The following TBC1D2B variants were observed in gnomAD, a reference collection of about 807,000 sequenced individuals.
TBC1D2B encodes TBC1 domain family, member 2B.
A neutral mutation model predicts 100.8 loss-of-function variants in TBC1D2B; 64 were observed. The observed-to-expected ratio is 0.64, with a 90% confidence interval of 0.52 to 0.78. TBC1D2B has a LOEUF of 0.78. TBC1D2B is among the 30% of genes least tolerant of loss of function. The pLI is 0.00. For missense variants in TBC1D2B, 1,052 were observed against 1,218.4 expected, an observed-to-expected ratio of 0.86 and a Z score of 2.03; for synonymous variants, 480 against 479.7, an observed-to-expected ratio of 1.00 and a Z score of -0.01.
chr15:78,012,918 G>C lies in TBC1D2B; in HGVS notation c.2175C>G (p.Ser725=). 1 of 1,544,428 alleles carries C rather than the reference G, an allele frequency of 6.5e-7. No homozygotes were observed. The highest frequency in any genetic ancestry group is 1.4e-5 in the African/African-American group (1 of 72,924). ...LRTLPNNKHY[S]CPTSEGIQKL... is the part of the protein sequence containing the mutation. ...TCTGTATGCCTTCTGAGGTGGGGCA[G>C]GAGTAATGTTTGTTGTTGGGCAGAG... The change falls in exon 9 of 13, where the codon TCC becomes TCG. Residue 725 remains serine (S), a synonymous_variant. Coordinates refer to ENST00000300584, the MANE Select transcript of TBC1D2B (RefSeq NM_144572.2).
chr15:78,016,011 CAA>C (rs1262325483), intron 8 of TBC1D2B, among the ~76,000 whole-genome samples: 2 of 152,198 alleles, frequency 1.3e-5, no homozygotes, highest in African/African-American at 4.8e-5. Context: ...GTCGTGGAAA[CAA>C]GAGGCTGAAC....
At chr15:78,017,761 G>C in intron 7 of TBC1D2B, 86 bp downstream of exon 7, 4 of 821,212 alleles carry the variant, frequency 4.9e-6, no homozygotes, top group South Asian at 1.8e-5. Context: ...CCTGGGAGTT[G>C]AACCGCTTTG....
intron 1 of TBC1D2B, among the ~76,000 whole-genome samples, chr15:78,069,525 A>G (rs2073712984): frequency 6.6e-6 from 1 of 152,244 alleles, no homozygotes; most frequent in South Asian, 2.1e-4. Flanking sequence ...AATACTAGGC[A>G]TGACCAAACC....
intron 4 of TBC1D2B, among the ~76,000 whole-genome samples, chr15:78,029,029 T>C (rs1321496018): frequency 6.6e-6 from 1 of 152,100 alleles, no homozygotes; most frequent in Non-Finnish European, 1.5e-5. Flanking sequence ...TTATTGTAAC[T>C]GTAAATATAA....
chr15:78,075,191 T>C (rs1435275906), intron 1 of TBC1D2B, among the ~76,000 whole-genome samples: 5 of 151,420 alleles, frequency 3.3e-5, no homozygotes, highest in Non-Finnish European at 5.9e-5. Context: ...TAGATTCTTA[T>C]TTATTATTTT....
At chr15:78,026,202 A>G (rs958839483) in intron 4 of TBC1D2B, among the ~76,000 whole-genome samples, 26 of 151,716 alleles carry the variant, frequency 1.7e-4, no homozygotes, top group African/African-American at 6.3e-4. Flanking sequence ...TGTGTCCCCC[A>G]AAGTTTATGT....
At chr15:78,011,401 G>A (rs1038150479) in intron 9 of TBC1D2B, among the ~76,000 whole-genome samples, 1 of 151,996 alleles carries the variant, frequency 6.6e-6, no homozygotes, top group African/African-American at 2.4e-5. Flanking sequence ...CAGAACTCCA[G>A]CTCATGCATG....
chr15:78,059,824 T>C (rs1349293859), intron 1 of TBC1D2B, among the ~76,000 whole-genome samples: 1 of 152,136 alleles, frequency 6.6e-6, no homozygotes, highest in Non-Finnish European at 1.5e-5. Flanking sequence ...ATAAAGTTGT[T>C]TGATTACAAG....
chr15:78,040,797 GA>G, intron 3 of TBC1D2B, among the ~76,000 whole-genome samples: 1 of 125,448 alleles, frequency 8.0e-6, no homozygotes. Context: ...AGGAAGGAAG[GA>G]AAGAAAGAAA....
intron 2 of TBC1D2B, among the ~76,000 whole-genome samples, chr15:78,053,125 A>T (rs1188176470): frequency 6.6e-6 from 1 of 152,224 alleles, no homozygotes. Context: ...TTGTTTCTGG[A>T]GTAAATCAGC....
chr15:78,024,579 G>T, intron 5 of TBC1D2B, 40 bp from the exon 6 acceptor site: 1 of 1,541,408 alleles, frequency 6.5e-7, no homozygotes, highest in African/African-American at 1.4e-5. Context: ...GGTGAAAAGA[G>T]CAAGGAGAGG....
chr15:78,041,615 TC>T (rs1388596224), intron 3 of TBC1D2B, among the ~76,000 whole-genome samples: 38 of 152,236 alleles, frequency 2.5e-4, no homozygotes, highest in Non-Finnish European at 1.0e-4. Context: ...AATACAGTAA[TC>T]TATTTTAGGG....
intron 3 of TBC1D2B, among the ~76,000 whole-genome samples, chr15:78,039,511 C>G (rs2073024594): frequency 6.6e-6 from 1 of 152,144 alleles, no homozygotes; most frequent in South Asian, 2.1e-4. Flanking sequence ...AGCACACCTT[C>G]CCGGCTAGCT....
chr15:78,060,865 C>A (rs1190176708), intron 1 of TBC1D2B, among the ~76,000 whole-genome samples: 1 of 151,400 alleles, frequency 6.6e-6, no homozygotes, highest in Non-Finnish European at 1.5e-5. Context: ...TGCAGTGAGC[C>A]GAGATCGCGC....
intron 6 of TBC1D2B, among the ~76,000 whole-genome samples, chr15:78,022,231 T>C (rs1374151344): frequency 6.6e-6 from 1 of 152,166 alleles, no homozygotes; most frequent in Admixed American, 6.5e-5. Flanking sequence ...TGGTGACATA[T>C]GCCTCTAGTC....
chr15:77,998,475 G>C, intron 12 of TBC1D2B, 120 bp from the exon 13 acceptor site: 1 of 896,444 alleles, frequency 1.1e-6, no homozygotes, highest in Non-Finnish European at 1.6e-6. Context: ...GGCCAGGCTT[G>C]GGGCCTGATG....
intron 6 of TBC1D2B, among the ~76,000 whole-genome samples, chr15:78,023,491 C>T (rs893593519): frequency 6.6e-6 from 1 of 152,232 alleles, no homozygotes; most frequent in Non-Finnish European, 1.5e-5. Flanking sequence ...CTCACAAATG[C>T]TGTGTGTTCC....
At chr15:78,052,313 A>T (rs2141798604) in intron 2 of TBC1D2B, among the ~76,000 whole-genome samples, 1 of 152,206 alleles carries the variant, frequency 6.6e-6, no homozygotes, top group Non-Finnish European at 1.5e-5. Context: ...CTTACAGCCC[A>T]TGGTACCAGC....
intron 6 of TBC1D2B, among the ~76,000 whole-genome samples, chr15:78,020,341 G>A (rs1229565263): frequency 6.6e-6 from 1 of 152,120 alleles, no homozygotes; most frequent in Non-Finnish European, 1.5e-5. Context: ...AACATCAGCC[G>A]CCATGTATGT....
Sources: allele counts gnomAD v4.1 joint callset (sites outside exome capture counted in the v4.1 genomes callset), GRCh38; gene constraint gnomAD v4.1.1; transcripts MANE v1.5; gene names NCBI Gene and HGNC (gene_info 2026-07-23, HGNC 2026-07-21).